Variants in ZBTB8OS observed in about 807,000 individuals in gnomAD.
ZBTB8OS encodes tRNA-splicing ligase-activating factor archease.
In ZBTB8OS, 16 loss-of-function variants were observed where a neutral mutation model predicts 29.3. The ratio of observed to expected loss-of-function variants is 0.55; its 90% CI spans 0.37 to 0.83. The LOEUF (loss-of-function observed/expected upper bound fraction) is 0.83, where lower values mean the gene tolerates loss of function less well. Ranked by LOEUF, ZBTB8OS falls within the 40% of genes least tolerant of loss-of-function variation. The pLI, the probability that ZBTB8OS is intolerant of heterozygous loss-of-function variation, is 0.00. For synonymous variants in ZBTB8OS, 70 were observed against 64.6 expected, an observed-to-expected ratio of 1.08 and a Z score of -0.40; for missense variants, 160 against 196.9, an observed-to-expected ratio of 0.81 and a Z score of 1.12.
At chr1:32,644,211 G>C (rs1021144211) in intron 1 of ZBTB8OS, among the ~76,000 whole-genome samples, 2 of 152,106 alleles carry the variant, frequency 1.3e-5, no homozygotes, top group Admixed American at 1.3e-4. Flanking sequence ...TTTATCAATC[G>C]GACGAATTCC....
intron 1 of ZBTB8OS, among the ~76,000 whole-genome samples, chr1:32,635,456 G>C (rs1445390555): frequency 6.6e-6 from 1 of 152,008 alleles, no homozygotes; most frequent in Non-Finnish European, 1.5e-5. Context: ...ATTTTTAGTA[G>C]AGATGGGGTT....
chr1:32,624,666 G>T (rs1042846963), intron 6 of ZBTB8OS, among the ~76,000 whole-genome samples: 13 of 152,174 alleles, frequency 8.5e-5, no homozygotes, highest in African/African-American at 1.4e-4. Context: ...GGCCGAGGCA[G>T]GTGGATCACC....
intron 1 of ZBTB8OS, among the ~76,000 whole-genome samples, chr1:32,637,047 GACTA>G (rs1646022385): frequency 6.6e-6 from 1 of 152,002 alleles, no homozygotes. Flanking sequence ...GACACAGCTA[GACTA>G]ATCACATTTA....
chr1:32,637,764 T>C (rs1022673990), intron 1 of ZBTB8OS, among the ~76,000 whole-genome samples: 2 of 152,166 alleles, frequency 1.3e-5, no homozygotes, highest in African/African-American at 4.8e-5. Context: ...GTTACAGAGA[T>C]GTATGCATCT....
At chr1:32,622,419 G>C (rs906515505) in intron 6 of ZBTB8OS, among the ~76,000 whole-genome samples, 1 of 152,154 alleles carries the variant, frequency 6.6e-6, no homozygotes, top group Non-Finnish European at 1.5e-5. Flanking sequence ...CATGTTCTTT[G>C]CAACAACGTG....
At chr1:32,625,534 A>AAAAACAAAACAAAACAAAAC (rs146908676) in intron 6 of ZBTB8OS, among the ~76,000 whole-genome samples, 53 of 151,212 alleles carry the variant, frequency 3.5e-4, no homozygotes, top group African/African-American at 1.2e-3. Flanking sequence ...ACTCCGTCTC[A>AAAAACAAAACAAAACAAAAC]AAAACAAAAC....
At chr1:32,623,101 G>A (rs1160951185) in intron 6 of ZBTB8OS, among the ~76,000 whole-genome samples, 1 of 152,134 alleles carries the variant, frequency 6.6e-6, no homozygotes, top group Non-Finnish European at 1.5e-5. Context: ...ATAATTCTGT[G>A]CACCATAAAA....
upstream of ZBTB8OS, chr1:32,650,699 C>A: frequency 1.6e-6 from 2 of 1,261,764 alleles, no homozygotes; most frequent in South Asian, 3.0e-5. Context: ...GCTTGGATCG[C>A]ATATTTAAAA....
intron 1 of ZBTB8OS, among the ~76,000 whole-genome samples, chr1:32,640,345 A>G (rs1646301384): frequency 6.6e-6 from 1 of 151,062 alleles, no homozygotes; most frequent in African/African-American, 2.4e-5. Context: ...CAGGCAATCC[A>G]CCCCTCTCGG....
In ZBTB8OS at chr1:32,647,041, CAAAAAAAAAAAAAAA is replaced by C. The variant is rs71006347; in HGVS notation, c.97+3377_97+3391del. Reference sequence around the variant, plus strand: ...TGGGAGACAGAGCAAGATACTGTCTCAAAAAAAAAAAAAAAAAAAAAAAAAAAAAAAATGCCAGGC... The same window carrying C: ...TGGGAGACAGAGCAAGATACTGTCTCAAAAAAAAAAAAAAAAATGCCAGGC... On this transcript the variant is annotated intron_variant, in intron 1 of 6. Coordinates refer to ENST00000468695, the MANE Select transcript of ZBTB8OS (RefSeq NM_178547.5). 4.1e-4 allele frequency among the ~76,000 whole-genome samples: 16 copies of C among 39,392 alleles called. No individual in the cohort carries two copies. In the South Asian group the frequency reaches 4.9e-3, roughly 12 times the overall value. The allele number at this position is 39,392 out of a possible 152,430, so 25.8% of individuals were successfully genotyped here.
chr1:32,637,530 C>T (rs916817670), intron 1 of ZBTB8OS, among the ~76,000 whole-genome samples: 7 of 140,164 alleles, frequency 5.0e-5, no homozygotes, highest in Admixed American at 8.3e-5. Flanking sequence ...ATTGCACCAC[C>T]GCACTCCAGT....
chr1:32,632,489 A>G (rs1313223250), intron 4 of ZBTB8OS: 1 of 152,194 alleles, frequency 6.6e-6, no homozygotes, highest in Non-Finnish European at 1.5e-5. Context: ...ATCTTGGCTC[A>G]CTGCAACCTT....
At chr1:32,625,521 G>C (rs749248044) in intron 6 of ZBTB8OS, among the ~76,000 whole-genome samples, 1 of 151,358 alleles carries the variant, frequency 6.6e-6, no homozygotes, top group Non-Finnish European at 1.5e-5. Flanking sequence ...GCAATAGCAT[G>C]AGACTCCGTC....
At position 32,621,823 on chromosome 1, in the gene ZBTB8OS, A is replaced by G. The variant is rs1644770436; in HGVS notation, c.*39T>C. On this transcript the variant is annotated 3_prime_UTR_variant, in exon 7 of 7. Transcript: ENST00000468695. ...TCTTCTCAAAAGGAAGAGGAAAACA[A>G]AAACAGTTCTTCGTAGGAGTCTTTT... 2 of 1,415,826 alleles carry G rather than the reference A, an allele frequency of 1.4e-6. No homozygotes were observed. Among genetic ancestry groups the G allele is most frequent in the South Asian group, 1.3e-5 (1 of 79,678 alleles). The allele number at this position is 1,415,826 out of a possible 1,614,324, so 87.7% of individuals were successfully genotyped here.
At chr1:32,647,413 G>C (rs1200262107) in intron 1 of ZBTB8OS, among the ~76,000 whole-genome samples, 1 of 149,480 alleles carries the variant, frequency 6.7e-6, no homozygotes, top group Non-Finnish European at 1.5e-5. Context: ...CTCCAACCTG[G>C]ATGACAAAGC....
At chr1:32,647,111 T>C (rs1280055579) in intron 1 of ZBTB8OS, among the ~76,000 whole-genome samples, 4 of 136,186 alleles carry the variant, frequency 2.9e-5, no homozygotes, top group Non-Finnish European at 6.1e-5. Context: ...ATCCCAGCAC[T>C]TCGGAGGCCG....
At chr1:32,621,989 T>C in intron 6 of ZBTB8OS, 41 bp from the exon 7 acceptor site, 2 of 1,233,320 alleles carry the variant, frequency 1.6e-6, no homozygotes, top group Non-Finnish European at 2.2e-6. Context: ...AAAAGGAAAA[T>C]AGGATATTGA....
intron 1 of ZBTB8OS, among the ~76,000 whole-genome samples, chr1:32,645,084 C>G (rs1646734995): frequency 1.3e-5 from 2 of 151,614 alleles, no homozygotes; most frequent in South Asian, 4.2e-4. Flanking sequence ...GAGGCTGAGG[C>G]AGGAGAATTG....
intron 6 of ZBTB8OS, 58 bp downstream of exon 6, chr1:32,627,450 A>G (rs2148323969): frequency 1.3e-6 from 2 of 1,507,348 alleles, no homozygotes; most frequent in East Asian, 4.5e-5. Flanking sequence ...TGTCACATAT[A>G]TGAACTTTAT....
Sources: allele counts gnomAD v4.1 joint callset (sites outside exome capture counted in the v4.1 genomes callset), GRCh38; gene constraint gnomAD v4.1.1; transcripts MANE v1.5; gene names NCBI Gene and HGNC (gene_info 2026-07-23, HGNC 2026-07-21).